TMPRSS15: variants seen among roughly 807,000 people sequenced by gnomAD.
TMPRSS15 encodes transmembrane serine protease 15.
TMPRSS15 carries 128 observed loss-of-function variants against 125.3 expected under a neutral mutation model. The ratio of observed to expected loss-of-function variants is 1.02; its 90% CI spans 0.89 to 1.18. The LOEUF (loss-of-function observed/expected upper bound fraction) is 1.18. TMPRSS15 is among the 50% of genes most tolerant of loss of function. The pLI is 0.00. For synonymous variants in TMPRSS15, 446 were observed against 423.2 expected (o/e 1.05, Z -0.66); for missense variants, 1,283 against 1,212.7 (o/e 1.06, Z -0.86).
intron 4 of TMPRSS15, among the ~76,000 whole-genome samples, chr21:18,381,501 C>G (rs1475982554): frequency 6.6e-6 from 1 of 152,046 alleles, no homozygotes; most frequent in African/African-American, 2.4e-5. Flanking sequence ...CTACAATTAA[C>G]TTGGTACCGT....
chr21:18,353,905 C>T (rs374232995), intron 8 of TMPRSS15, 42 bp from the exon 9 acceptor site: 6 of 1,563,734 alleles, frequency 3.8e-6, no homozygotes, highest in African/African-American at 1.4e-5. Flanking sequence ...ATATATCTAT[C>T]TGTTCATCTC....
rs2075470978 is a variant in TMPRSS15, at chr21:18,343,486, TAA to T, written c.1428+18_1428+19del. ...ACCACAAAAAGGATACAAATATAAA[TAA>T]TAAAGTATTTTGCAAACCTTAAATT... is the stretch of plus-strand genomic sequence containing the variant. On this transcript the variant is annotated intron_variant, in intron 12 of 24. Coordinates refer to ENST00000284885, the MANE Select transcript of TMPRSS15 (RefSeq NM_002772.3). 3 of 1,568,128 alleles carry T rather than the reference TAA, an allele frequency of 1.9e-6. No individual in the cohort carries two copies. In the African/African-American group the frequency reaches 4.1e-5, roughly 21 times the overall value.
intron 1 of TMPRSS15, among the ~76,000 whole-genome samples, chr21:18,423,472 G>A (rs2076196474): frequency 6.7e-6 from 1 of 149,378 alleles, no homozygotes; most frequent in African/African-American, 2.5e-5. Flanking sequence ...GCAGTGGCGC[G>A]ATCTCGGCTC....
intron 1 of TMPRSS15, among the ~76,000 whole-genome samples, chr21:18,452,405 T>C (rs1978353358): frequency 6.6e-6 from 1 of 152,236 alleles, no homozygotes; most frequent in Non-Finnish European, 1.5e-5. Flanking sequence ...AGCTCACGCC[T>C]GTAATCCCAG....
At chr21:18,343,452 A>T (rs1601362194) in intron 12 of TMPRSS15, 54 bp downstream of exon 12, 1 of 1,461,722 alleles carries the variant, frequency 6.8e-7, no homozygotes, top group Non-Finnish European at 9.5e-7. Context: ...TTCTAAATAT[A>T]ATTGTTCCAC....
In TMPRSS15 at chr21:18,294,913, A is replaced by C. The variant is rs141269141; in HGVS notation, c.2262-261T>G. ...CCTGAGACCCAGTTTCTTCTTCCAT[A>C]AAATGGGGGTAATAATACTTTATTG... On this transcript the variant is annotated intron_variant, in intron 19 of 24. Coordinates refer to ENST00000284885, the MANE Select transcript of TMPRSS15 (RefSeq NM_002772.3). Among the ~76,000 whole-genome samples, 14 of 152,314 alleles carry C rather than the reference A, an allele frequency of 9.2e-5. No homozygotes were observed. In the East Asian group the frequency reaches 2.7e-3, roughly 29 times the overall value.
intron 1 of TMPRSS15, among the ~76,000 whole-genome samples, chr21:18,459,956 A>T (rs971063999): frequency 6.6e-6 from 1 of 152,206 alleles, no homozygotes; most frequent in Admixed American, 6.5e-5. Flanking sequence ...ATGAATTTTT[A>T]AAAACCAGTA....
intron 1 of TMPRSS15, among the ~76,000 whole-genome samples, chr21:18,426,063 T>C (rs2076202035): frequency 6.6e-6 from 1 of 152,126 alleles, no homozygotes; most frequent in South Asian, 2.1e-4. Context: ...TGCATACCTT[T>C]CTCTGTAATG....
intron 16 of TMPRSS15, among the ~76,000 whole-genome samples, chr21:18,325,695 G>T (rs898886800): frequency 5.9e-5 from 9 of 151,912 alleles, no homozygotes; most frequent in African/African-American, 1.9e-4. Context: ...CCACTGAGTT[G>T]CCGGGCAGTT....
chr21:18,294,154 A>G (rs369357414), intron 21 of TMPRSS15, 116 bp downstream of exon 21: 1 of 1,237,492 alleles, frequency 8.1e-7, no homozygotes, highest in African/African-American at 1.5e-5. Context: ...TTATAATGTC[A>G]TAAACAGCAG....
intron 3 of TMPRSS15, among the ~76,000 whole-genome samples, chr21:18,388,405 T>C (rs1208347310): frequency 1.3e-5 from 2 of 152,166 alleles, no homozygotes; most frequent in African/African-American, 2.4e-5. Context: ...AAATTTGGGA[T>C]TTTGGTAGCC....
intron 1 of TMPRSS15, among the ~76,000 whole-genome samples, chr21:18,428,481 G>A (rs1385133982): frequency 2.0e-5 from 3 of 152,120 alleles, no homozygotes; most frequent in Non-Finnish European, 1.5e-5. Flanking sequence ...TCCCACCATA[G>A]GTCTGGAGGC....
At chr21:18,371,725 C>T (rs1397898714) in intron 6 of TMPRSS15, among the ~76,000 whole-genome samples, 2 of 151,966 alleles carry the variant, frequency 1.3e-5, no homozygotes, top group Non-Finnish European at 2.9e-5. Context: ...TAATATGGTG[C>T]TCAGTGAGTT....
rs1328606186 is a variant in TMPRSS15, at chr21:18,312,809, T to A, written c.2165+136A>T. Reference sequence around the variant, plus strand: ...TTGAAAATGGGGTTAATCAAGATTTTTATTTTCTCCCTTTTGCTAATGTGT... The same window carrying A: ...TTGAAAATGGGGTTAATCAAGATTTATATTTTCTCCCTTTTGCTAATGTGT... On this transcript the variant is annotated intron_variant, in intron 18 of 24. Coordinates refer to ENST00000284885, the MANE Select transcript of TMPRSS15 (RefSeq NM_002772.3). 1.0e-5 allele frequency: 12 copies of A among 1,185,526 alleles called. No homozygotes were observed. The South Asian group carries it at 1.5e-4, about 14-fold the overall frequency. The allele number at this position is 1,185,526 out of a possible 1,614,324, so 73.4% of individuals were successfully genotyped here. A position where few individuals can be genotyped will look rare whatever the true frequency, so the allele number is the denominator to read the frequency against.
intron 16 of TMPRSS15, among the ~76,000 whole-genome samples, chr21:18,315,750 G>A (rs1321130818): frequency 2.7e-5 from 2 of 74,642 alleles, no homozygotes; most frequent in African/African-American, 3.6e-5. Flanking sequence ...AGTAAATGAC[G>A]AGTTAGTGGG....
At chr21:18,423,554 G>A (rs1371733978) in intron 1 of TMPRSS15, among the ~76,000 whole-genome samples, 7 of 150,530 alleles carry the variant, frequency 4.7e-5, no homozygotes, top group South Asian at 2.1e-4. Flanking sequence ...GACTACAGGC[G>A]CCCGCCACCA....
At chr21:18,444,630 T>C (rs2076250916) in intron 1 of TMPRSS15, among the ~76,000 whole-genome samples, 1 of 152,060 alleles carries the variant, frequency 6.6e-6, no homozygotes, top group South Asian at 2.1e-4. Flanking sequence ...ACTTAAAGTA[T>C]AAAAATTAAA....
intron 1 of TMPRSS15, among the ~76,000 whole-genome samples, chr21:18,461,237 C>T (rs1408749095): frequency 1.3e-5 from 2 of 152,158 alleles, no homozygotes; most frequent in Non-Finnish European, 2.9e-5. Context: ...ACTCCTCTTT[C>T]GTACACTTCC....
rs550236849 is a variant in TMPRSS15, at chr21:18,393,352, TAATA to T, written c.344+4523_344+4526del. Among the ~76,000 whole-genome samples, 49 of 152,284 alleles carry T rather than the reference TAATA, an allele frequency of 3.2e-4. 1 individual carries two copies. Among genetic ancestry groups the T allele is most frequent in the Admixed American group, 6.5e-4 (10 of 15,302 alleles). On this transcript the variant is annotated intron_variant, in intron 3 of 24. Transcript: ENST00000284885. ...ATGTTCTAGTACCTAAAGTTATAAA[TAATA>T]AACAAAATATACTAATAATCATGAT... is the stretch of plus-strand genomic sequence containing the variant.
Sources: gnomAD v4.1 joint callset for allele counts (sites outside exome capture counted in the v4.1 genomes callset) on GRCh38, gnomAD v4.1.1 for gene constraint, MANE v1.5 for transcripts, NCBI Gene and HGNC (gene_info 2026-07-23, HGNC 2026-07-21) for gene names.